Variants in ICE2 observed in about 807,000 individuals in gnomAD.
The protein encoded by ICE2 is little elongation complex subunit 2.
A neutral mutation model predicts 105.4 loss-of-function variants in ICE2; 87 were observed. The observed-to-expected ratio is 0.83, with a 90% CI of 0.69 to 0.99. The LOEUF is 0.99. Among genes scored for constraint, ICE2 ranks in the 50% least tolerant of loss-of-function variants. The probability of loss-of-function intolerance (pLI) is 0.00; values close to 1 mark genes in which losing one functional copy is unlikely to be tolerated. For missense variants in ICE2, 1,323 were observed against 1,146.7 expected (o/e 1.15, Z -2.22); for synonymous variants, 399 against 392.0 (o/e 1.02, Z -0.21).
chr15:60,458,223 T>G (rs552381121), intron 5 of ICE2, among the ~76,000 whole-genome samples: 1 of 152,302 alleles, frequency 6.6e-6, no homozygotes, highest in Admixed American at 6.5e-5. Context: ...TAATAATTTA[T>G]CTTTCTTTGA....
intron 14 of ICE2, among the ~76,000 whole-genome samples, chr15:60,429,787 A>G (rs2063416044): frequency 6.6e-6 from 1 of 152,218 alleles, no homozygotes; most frequent in Non-Finnish European, 1.5e-5. Context: ...CCATATAAAG[A>G]AATGAATTAT....
intron 3 of ICE2, among the ~76,000 whole-genome samples, chr15:60,471,764 C>T (rs1323169708): frequency 6.6e-6 from 1 of 151,588 alleles, no homozygotes; most frequent in African/African-American, 2.4e-5. Flanking sequence ...ACCCATTCTC[C>T]TTTCTCAAAG....
chr15:60,469,625 A>G (rs928482746), intron 3 of ICE2, among the ~76,000 whole-genome samples: 1 of 152,184 alleles, frequency 6.6e-6, no homozygotes, highest in African/African-American at 2.4e-5. Context: ...TCAAAGATCA[A>G]GTATAACTAT....
chr15:60,439,244 A>G (rs1045931868), intron 12 of ICE2: 1 of 152,240 alleles, frequency 6.6e-6, no homozygotes, highest in African/African-American at 2.4e-5. Context: ...AACGAAAAGA[A>G]CAGTAAAATA....
At position 60,455,050 on chromosome 15, in the gene ICE2, T is replaced by C. The variant is rs763611993; in HGVS notation, c.896A>G (p.Lys299Arg). ...TLLNNHGPTY[K>R]EQWEIPVCIQ... ...ACACACTGGAATTTCCCACTGTTCC[T>C]TGTACGTTGGTCCATGATTATTTAA... The change falls in exon 8 of 16, where the codon AAG becomes AGG. Residue 299 changes from lysine (K) to arginine (R), a missense_variant. Lys to Arg is a conservative substitution (Grantham distance 26, BLOSUM62 2). Transcript: ENST00000261520. 1 of 1,595,016 alleles carries C rather than the reference T, an allele frequency of 6.3e-7. No homozygotes were observed. The highest frequency in any genetic ancestry group is 8.5e-7 in the Non-Finnish European group (1 of 1,174,278).
chr15:60,477,475 A>C (rs375490620), intron 2 of ICE2, among the ~76,000 whole-genome samples: 4 of 152,376 alleles, frequency 2.6e-5, no homozygotes, highest in African/African-American at 7.2e-5. Context: ...CAAAACCACT[A>C]TATTATTTAA....
At chr15:60,468,400 C>T (rs967249615) in intron 3 of ICE2, 78 bp from the exon 4 acceptor site, 22 of 1,121,772 alleles carry the variant, frequency 2.0e-5, no homozygotes, top group Non-Finnish European at 2.7e-5. Flanking sequence ...GATTCTCAAT[C>T]ACCAGGGAGA....
rs966529075 is a variant in ICE2 at position 60,449,914 on chromosome 15, C to A, written c.1126-73G>T. 5 of 1,038,790 alleles carry A rather than the reference C, an allele frequency of 4.8e-6. No homozygotes were observed. In the African/African-American group the frequency reaches 7.9e-5, roughly 16 times the overall value. 64.3% of individuals were successfully genotyped at this position (1,038,790 alleles called of 1,614,324 possible). The stretch of plus-strand genomic sequence containing the variant: ...CTACCTATCTCTTAATGTCCCTATC[C>A]CTGTCATACATACTTCCTGCTCTTT... On this transcript the variant is annotated intron_variant, in intron 9 of 15. Transcript: ENST00000261520.
At chr15:60,425,786 C>T (rs777005423) in intron 15 of ICE2, among the ~76,000 whole-genome samples, 6 of 152,154 alleles carry the variant, frequency 3.9e-5, no homozygotes, top group Admixed American at 2.0e-4. Context: ...TGTCATCTTA[C>T]CATTGCTGCT....
intron 4 of ICE2, among the ~76,000 whole-genome samples, chr15:60,467,197 A>C (rs2064455567): frequency 6.6e-6 from 1 of 152,172 alleles, no homozygotes; most frequent in African/African-American, 2.4e-5. Context: ...TCCTGATCTC[A>C]GGTGATCTAC....
At chr15:60,450,937 A>G (rs2063950564) in intron 9 of ICE2, among the ~76,000 whole-genome samples, 2 of 152,210 alleles carry the variant, frequency 1.3e-5, no homozygotes, top group South Asian at 4.1e-4. Context: ...ATTCCTACAC[A>G]AAAAGGTTAA....
chr15:60,463,158 AT>A (rs1406868283), intron 5 of ICE2, among the ~76,000 whole-genome samples: 3 of 152,210 alleles, frequency 2.0e-5, no homozygotes, highest in African/African-American at 7.2e-5. Context: ...AGGTGTATGC[AT>A]CTTTAATTCA....
chr15:60,428,719 G>A, intron 14 of ICE2, 32 bp from the exon 15 acceptor site: 1 of 1,593,814 alleles, frequency 6.3e-7, no homozygotes, highest in South Asian at 1.1e-5. Flanking sequence ...CAACCCACTG[G>A]CTCACTGTGT....
chr15:60,442,650 C>CT, intron 11 of ICE2, 105 bp from the exon 12 acceptor site: 1 of 815,032 alleles, frequency 1.2e-6, no homozygotes, highest in Non-Finnish European at 1.9e-6. Flanking sequence ...TTCAGGTAAT[C>CT]TTATTTCATC....
Position 60,468,298 on chromosome 15 carries a change from G to A in ICE2, c.171C>T (p.Ala57=), listed in dbSNP as rs1281478112. Residue 57 remains alanine, a synonymous_variant, in exon 4 of 16, where the codon GCC becomes GCT. Transcript: ENST00000261520. ...GCTCATTTTCTACAGAACTTGCTGAGGCATTCAAATTTTCTCCTATACGTC... is the reference window on the plus strand; with the variant it reads ...GCTCATTTTCTACAGAACTTGCTGAAGCATTCAAATTTTCTCCTATACGTC... ...SNRRIGENLN[A]SASSVENEPA... The A allele has an allele frequency of 1.2e-6, 2 of 1,607,138 alleles. No individual in the cohort carries two copies. Among genetic ancestry groups the A allele is most frequent in the African/African-American group, 1.3e-5 (1 of 74,752 alleles).
intron 5 of ICE2, among the ~76,000 whole-genome samples, chr15:60,463,090 A>G (rs373344922): frequency 5.9e-5 from 9 of 152,218 alleles, no homozygotes; most frequent in African/African-American, 1.2e-4. Context: ...GTAAGTAAAT[A>G]TAAGTATTGT....
chr15:60,426,557 C>A (rs2063342470), intron 15 of ICE2, among the ~76,000 whole-genome samples: 1 of 152,132 alleles, frequency 6.6e-6, no homozygotes, highest in Non-Finnish European at 1.5e-5. Flanking sequence ...TACTAAAGCA[C>A]ATTCTAGACA....
chr15:60,464,368 T>C (rs2064363451), intron 5 of ICE2, among the ~76,000 whole-genome samples: 1 of 152,068 alleles, frequency 6.6e-6, no homozygotes, highest in African/African-American at 2.4e-5. Flanking sequence ...AAAAAGGCAC[T>C]GTTTTACAAA....
chr15:60,423,170 G>C lies in ICE2; in HGVS notation c.*464C>G, dbSNP rs756564082. 6.5e-6 allele frequency: 1 copy of C among 152,812 alleles called. No homozygotes were observed. Among genetic ancestry groups the C allele is most frequent in the Non-Finnish European group, 1.5e-5 (1 of 68,286 alleles). 9.5% of individuals were successfully genotyped at this position (152,812 alleles called of 1,614,324 possible). A position where few individuals can be genotyped will look rare whatever the true frequency, so the allele number is the denominator to read the frequency against. Reference sequence around the variant, plus strand: ...ACCTGTAACATTCATCATTTTAAAGGAGTATATAAAAACTGTCAAAATGGG... The same window carrying C: ...ACCTGTAACATTCATCATTTTAAAGCAGTATATAAAAACTGTCAAAATGGG... On this transcript the variant is annotated 3_prime_UTR_variant, in exon 16 of 16. Transcript: ENST00000261520.
Sources: allele counts gnomAD v4.1 joint callset (sites outside exome capture counted in the v4.1 genomes callset), GRCh38; gene constraint gnomAD v4.1.1; transcripts MANE v1.5; gene names NCBI Gene and HGNC (gene_info 2026-07-23, HGNC 2026-07-21).